Variants in MCC observed in about 807,000 individuals in gnomAD.
MCC encodes colorectal mutant cancer protein.
MCC carries 90 observed loss-of-function variants against 116.2 expected under a neutral mutation model. That is an observed-to-expected ratio of 0.77 (90% CI 0.65 to 0.92). The LOEUF (loss-of-function observed/expected upper bound fraction) is 0.92. Ranked by LOEUF, MCC falls within the 40% of genes least tolerant of loss-of-function variation. MCC has a pLI of 0.00. For synonymous variants in MCC, 578 were observed against 510.5 expected (o/e 1.13, Z -1.78); for missense variants, 1,516 against 1,312.2 (o/e 1.16, Z -2.40).
chr5:113,083,117 G>A (rs751478046), intron 10 of MCC, 109 bp from the exon 11 acceptor site: 5 of 1,038,676 alleles, frequency 4.8e-6, no homozygotes, highest in Non-Finnish European at 6.9e-6. Flanking sequence ...GGGACTGGGA[G>A]GATGGTTACC....
intron 15 of MCC, among the ~76,000 whole-genome samples, chr5:113,049,754 C>G (rs778986289): frequency 2.0e-5 from 3 of 152,184 alleles, no homozygotes; most frequent in Non-Finnish European, 4.4e-5. Flanking sequence ...TTCCATGGCA[C>G]CAACCACATG....
In MCC at chr5:113,194,881, C is replaced by A. The variant is rs375931829; in HGVS notation, c.628-43459G>T. On this transcript the variant is annotated intron_variant, in intron 3 of 18. Coordinates refer to ENST00000408903, the MANE Select transcript of MCC (RefSeq NM_001085377.2). ...CAAAGCAAACGCAATAAACCAAGGC[C>A]AAAATAGCCATAAAATCAAAAAGAG... is the stretch of plus-strand genomic sequence containing the variant. Among the ~76,000 whole-genome samples, 285 of 152,216 alleles carry A rather than the reference C, an allele frequency of 1.9e-3. 5 individuals carry two copies. Among genetic ancestry groups the A allele is most frequent in the African/African-American group, 6.2e-3 (259 of 41,536 alleles).
At chr5:113,093,602 G>A (rs183504065) in intron 8 of MCC, among the ~76,000 whole-genome samples, 21 of 152,246 alleles carry the variant, frequency 1.4e-4, no homozygotes, top group African/African-American at 4.6e-4. Context: ...AACACAAAGA[G>A]TGTGCACAGA....
At chr5:113,277,351 G>C (rs1029114859) in intron 3 of MCC, among the ~76,000 whole-genome samples, 7 of 142,850 alleles carry the variant, frequency 4.9e-5, no homozygotes, top group Non-Finnish European at 9.0e-5. Context: ...CTGGGTGACA[G>C]AGTGAGACTC....
chr5:113,420,699 A>G (rs1042431719), intron 1 of MCC, among the ~76,000 whole-genome samples: 2 of 152,108 alleles, frequency 1.3e-5, no homozygotes, highest in Non-Finnish European at 2.9e-5. Context: ...ATGCTAGTCT[A>G]TTTTCCCAAG....
chr5:113,223,185 T>C (rs1763614908), intron 3 of MCC, among the ~76,000 whole-genome samples: 1 of 152,156 alleles, frequency 6.6e-6, no homozygotes, highest in Non-Finnish European at 1.5e-5. Flanking sequence ...AGGCAGGAGA[T>C]TTATCATGCA....
At chr5:113,413,329 T>C (rs1229389479) in intron 1 of MCC, among the ~76,000 whole-genome samples, 1 of 152,222 alleles carries the variant, frequency 6.6e-6, no homozygotes, top group Admixed American at 6.5e-5. Context: ...TTGATTGGAA[T>C]AGTTTCAGAA....
At chr5:113,306,188 C>T (rs1192637602) in intron 3 of MCC, among the ~76,000 whole-genome samples, 1 of 152,100 alleles carries the variant, frequency 6.6e-6, no homozygotes, top group Non-Finnish European at 1.5e-5. Context: ...CATTTTTCAA[C>T]TATTATGAAT....
rs372620987 is a variant in MCC, at chr5:113,081,600, C to G, written c.1784+1260G>C. 7.6e-4 allele frequency among the ~76,000 whole-genome samples: 115 copies of G among 152,278 alleles called. 1 individual carries two copies. In the South Asian group the frequency reaches 0.023, roughly 31 times the overall value. On this transcript the variant is annotated intron_variant, in intron 11 of 18. Transcript: ENST00000408903. ...TAAATCGAGGTCCCCCTGAAGGCAT[C>G]TGACTTCATTAAATTGCAAAGGGCA...
chr5:113,052,412 G>A (rs1274402915), intron 15 of MCC, among the ~76,000 whole-genome samples: 1 of 150,536 alleles, frequency 6.6e-6, no homozygotes, highest in Non-Finnish European at 1.5e-5. Context: ...CTACAGAGAG[G>A]TCAGGATGGG....
intron 2 of MCC, among the ~76,000 whole-genome samples, chr5:113,362,395 AATGTTCCATATAC>A (rs966641805): frequency 6.6e-6 from 1 of 152,204 alleles, no homozygotes; most frequent in Non-Finnish European, 1.5e-5. Flanking sequence ...AAACTTTATG[AATGTTCCATATAC>A]ATTTGAAAAG....
At chr5:113,248,109 T>C (rs1197582574) in intron 3 of MCC, among the ~76,000 whole-genome samples, 4 of 151,922 alleles carry the variant, frequency 2.6e-5, no homozygotes, top group African/African-American at 9.7e-5. Context: ...AAAGAAAGCA[T>C]ATATCCTGGT....
chr5:113,292,955 ATG>A (rs1375732810), intron 3 of MCC, among the ~76,000 whole-genome samples: 6 of 152,060 alleles, frequency 3.9e-5, no homozygotes, highest in Admixed American at 6.5e-5. Context: ...TTAAATCCTC[ATG>A]CCTCCTCCCT....
At chr5:113,061,306 T>A (rs1753200052) in intron 14 of MCC, among the ~76,000 whole-genome samples, 1 of 152,204 alleles carries the variant, frequency 6.6e-6, no homozygotes, top group Non-Finnish European at 1.5e-5. Context: ...CGATCCTGTC[T>A]TGGCCACAGT....
At chr5:113,179,807 C>T (rs755770508) in intron 3 of MCC, among the ~76,000 whole-genome samples, 97 of 152,272 alleles carry the variant, frequency 6.4e-4, no homozygotes, top group Non-Finnish European at 1.2e-3. Flanking sequence ...CAAGGCCTGC[C>T]GTGTTTACAA....
At chr5:113,398,326 A>T (rs951701106) in intron 1 of MCC, among the ~76,000 whole-genome samples, 2 of 152,196 alleles carry the variant, frequency 1.3e-5, no homozygotes, top group African/African-American at 4.8e-5. Flanking sequence ...CAATCCTATT[A>T]CTGGGTATAT....
At position 113,159,929 on chromosome 5, in the gene MCC, T is replaced by C. The variant is rs142228056; in HGVS notation, c.628-8507A>G. 2.0e-4 allele frequency among the ~76,000 whole-genome samples: 30 copies of C among 152,370 alleles called. No individual in the cohort carries two copies. The East Asian group carries it at 5.6e-3, about 28-fold the overall frequency. ...TCACTGCATGGAAATCACTTTTGTGTGCCCTAGATCAACTCAGAAAGCAGC... is the reference window on the plus strand; with the variant it reads ...TCACTGCATGGAAATCACTTTTGTGCGCCCTAGATCAACTCAGAAAGCAGC... On this transcript the variant is annotated intron_variant, in intron 3 of 18. Transcript: ENST00000408903.
At chr5:113,410,600 T>A (rs1035174383) in intron 1 of MCC, among the ~76,000 whole-genome samples, 1 of 152,190 alleles carries the variant, frequency 6.6e-6, no homozygotes, top group Non-Finnish European at 1.5e-5. Context: ...GCATAATGAA[T>A]TATTATGCAA....
chr5:113,118,694 A>T (rs896054467), intron 6 of MCC, among the ~76,000 whole-genome samples: 3 of 152,240 alleles, frequency 2.0e-5, no homozygotes, highest in Non-Finnish European at 4.4e-5. Flanking sequence ...GCTACTTTTA[A>T]ATGATTTCCT....
Sources: allele counts gnomAD v4.1 joint callset (sites outside exome capture counted in the v4.1 genomes callset), GRCh38; gene constraint gnomAD v4.1.1; transcripts MANE v1.5; gene names NCBI Gene and HGNC (gene_info 2026-07-23, HGNC 2026-07-21).